The following UBASH3B variants were observed in gnomAD, a reference collection of about 807,000 sequenced individuals.
UBASH3B encodes the protein ubiquitin associated and SH3 domain containing B.
Under a neutral mutation model 83.4 loss-of-function variants are expected in UBASH3B, and 37 were observed. That is an observed-to-expected ratio of 0.44 (90% CI 0.34 to 0.58). The LOEUF is 0.58. Among genes scored for constraint, UBASH3B ranks in the 20% least tolerant of loss-of-function variants. The pLI, the probability that UBASH3B is intolerant of heterozygous loss-of-function variation, is 0.01. For missense variants in UBASH3B, 657 were observed against 827.2 expected, an observed-to-expected ratio of 0.79 and a Z score of 2.52; for synonymous variants, 304 against 318.3, an observed-to-expected ratio of 0.96 and a Z score of 0.48.
intron 1 of UBASH3B, among the ~76,000 whole-genome samples, chr11:122,699,321 G>A (rs1259837709): frequency 1.3e-5 from 2 of 152,152 alleles, no homozygotes; most frequent in Non-Finnish European, 2.9e-5. Flanking sequence ...ACAACTCAGA[G>A]GAGTGTGGCA....
Position 122,656,120 on chromosome 11 carries a change from C to T in UBASH3B, c.71C>T (p.Pro24Leu), listed in dbSNP as rs1203414278. 6.3e-7 allele frequency: 1 copy of T among 1,599,076 alleles called. No homozygotes were observed. Among genetic ancestry groups the T allele is most frequent in the South Asian group, 1.1e-5 (1 of 88,658 alleles). Residue 24 changes from proline (P) to leucine (L), a missense_variant, in exon 1 of 14, where the codon CCC (proline) becomes CTC (leucine). Transcript: ENST00000284273. ...GAGGAGCTGTACAGCAAAGTCACCC[C>T]CCGGAGGAACCGCCAACAGCGCCCC... ...AREELYSKVT[P>L]RRNRQQRPGT... is the part of the protein sequence containing the mutation.
At chr11:122,722,105 G>GACAA (rs1479946967) in intron 1 of UBASH3B, among the ~76,000 whole-genome samples, 1 of 152,136 alleles carries the variant, frequency 6.6e-6, no homozygotes, top group African/African-American at 2.4e-5. Context: ...TATTTTGTTT[G>GACAA]AAGCTCACAA....
intron 1 of UBASH3B, among the ~76,000 whole-genome samples, chr11:122,768,288 T>C (rs1349969662): frequency 6.6e-6 from 1 of 152,100 alleles, no homozygotes; most frequent in Non-Finnish European, 1.5e-5. Flanking sequence ...CCACGGCCAA[T>C]GACTCTCCTG....
intron 1 of UBASH3B, among the ~76,000 whole-genome samples, chr11:122,741,407 C>T (rs527399673): frequency 6.6e-6 from 1 of 152,290 alleles, no homozygotes; most frequent in Admixed American, 6.5e-5. Context: ...TGGCTGTTTA[C>T]CAATAAATGA....
At chr11:122,670,376 A>G in intron 1 of UBASH3B, among the ~76,000 whole-genome samples, 1 of 152,152 alleles carries the variant, frequency 6.6e-6, no homozygotes, top group East Asian at 1.9e-4. Context: ...GCCTCAAGAA[A>G]GGGCTCCTGG....
chr11:122,696,053 G>T (rs1029635036), intron 1 of UBASH3B, among the ~76,000 whole-genome samples: 4 of 152,066 alleles, frequency 2.6e-5, no homozygotes, highest in African/African-American at 7.2e-5. Flanking sequence ...AGGTTTAAGC[G>T]AATCTCCTGC....
At chr11:122,658,464 G>A (rs1214280176) in intron 1 of UBASH3B, among the ~76,000 whole-genome samples, 1 of 152,128 alleles carries the variant, frequency 6.6e-6, no homozygotes, top group Non-Finnish European at 1.5e-5. Context: ...TTTAACCCCT[G>A]AGGTCTCCTA....
intron 1 of UBASH3B, among the ~76,000 whole-genome samples, chr11:122,666,226 G>A (rs1048909238): frequency 2.6e-4 from 40 of 152,284 alleles, no homozygotes; most frequent in African/African-American, 8.2e-4. Context: ...TTGATGGTGC[G>A]CCTTTCAAAA....
intron 1 of UBASH3B, among the ~76,000 whole-genome samples, chr11:122,690,199 T>TCC (rs1374049597): frequency 0.012 from 341 of 28,456 alleles, 5 homozygotes; most frequent in African/African-American, 0.035. Context: ...TATATATATA[T>TCC]ATATATATAT....
rs144638226 is a variant in UBASH3B, at chr11:122,747,552, C to T, written c.162-28667C>T. Among the ~76,000 whole-genome samples the T allele has an allele frequency of 2.4e-4, 37 of 152,256 alleles. No homozygotes were observed. In the East Asian group the frequency reaches 7.1e-3, roughly 29 times the overall value. Reference sequence around the variant, plus strand: ...TAGAGAGTTATGAGACTTGACTGAGCCCCCGTTGGGACTGCTGTGAGAAAG... The same window carrying T: ...TAGAGAGTTATGAGACTTGACTGAGTCCCCGTTGGGACTGCTGTGAGAAAG... On this transcript the variant is annotated intron_variant, in intron 1 of 13. Coordinates refer to ENST00000284273, the MANE Select transcript of UBASH3B (RefSeq NM_032873.5).
Position 122,655,927 on chromosome 11 carries a change from TGCC to T in UBASH3B, c.-116_-114del. 1.8e-6 allele frequency: 2 copies of T among 1,102,358 alleles called. No homozygotes were observed. Among genetic ancestry groups the T allele is most frequent in the Non-Finnish European group, 1.2e-6 (1 of 826,994 alleles). 68.3% of individuals were successfully genotyped at this position (1,102,358 alleles called of 1,614,324 possible). ...GGGAAGCTCGGAGCGCCGCCTCCGCTGCCGCCGCCTCCTGCCTGGCTCTGGGTC... is the reference window on the plus strand; with the variant it reads ...GGGAAGCTCGGAGCGCCGCCTCCGCTGCCGCCTCCTGCCTGGCTCTGGGTC... On this transcript the variant is annotated 5_prime_UTR_variant, in exon 1 of 14. Transcript: ENST00000284273.
chr11:122,761,976 G>A (rs1169540451), intron 1 of UBASH3B, among the ~76,000 whole-genome samples: 1 of 151,846 alleles, frequency 6.6e-6, no homozygotes, highest in Admixed American at 6.6e-5. Context: ...ATTTTTATTA[G>A]AGATGGAGTT....
chr11:122,657,001 C>T (rs948562965), intron 1 of UBASH3B, among the ~76,000 whole-genome samples: 2 of 152,088 alleles, frequency 1.3e-5, no homozygotes, highest in African/African-American at 2.4e-5. Context: ...CATAGGGTGG[C>T]GGCGGCCGGA....
intron 11 of UBASH3B, among the ~76,000 whole-genome samples, chr11:122,804,387 C>A (rs1861303921): frequency 6.6e-6 from 1 of 152,106 alleles, no homozygotes; most frequent in Non-Finnish European, 1.5e-5. Context: ...GGGCAAGTTT[C>A]CTTCAAGTGG....
intron 1 of UBASH3B, among the ~76,000 whole-genome samples, chr11:122,672,553 T>C (rs1863611784): frequency 6.6e-6 from 1 of 152,170 alleles, no homozygotes; most frequent in African/African-American, 2.4e-5. Context: ...CTCGAATTCC[T>C]GACCTCAGGT....
At chr11:122,792,115 A>C (rs1861064665) in intron 6 of UBASH3B, among the ~76,000 whole-genome samples, 2 of 152,118 alleles carry the variant, frequency 1.3e-5, no homozygotes, top group African/African-American at 2.4e-5. Flanking sequence ...TTATAATGAC[A>C]GTTAAGAAGG....
intron 1 of UBASH3B, among the ~76,000 whole-genome samples, chr11:122,734,470 G>T (rs1408148352): frequency 6.6e-6 from 1 of 152,084 alleles, no homozygotes; most frequent in Admixed American, 6.6e-5. Flanking sequence ...CTAGTTGTTG[G>T]TGGCTTCCAG....
chr11:122,673,751 A>C (rs1387261906), intron 1 of UBASH3B, among the ~76,000 whole-genome samples: 1 of 152,202 alleles, frequency 6.6e-6, no homozygotes, highest in East Asian at 1.9e-4. Flanking sequence ...AAAGAGTCCA[A>C]TCCTATCTCC....
chr11:122,773,069 C>T (rs896510479), intron 1 of UBASH3B, among the ~76,000 whole-genome samples: 2 of 152,218 alleles, frequency 1.3e-5, no homozygotes, highest in Non-Finnish European at 2.9e-5. Flanking sequence ...TTTATCTTCT[C>T]GAGGTCTCAG....
Sources: allele counts gnomAD v4.1 joint callset (sites outside exome capture counted in the v4.1 genomes callset), GRCh38; gene constraint gnomAD v4.1.1; transcripts MANE v1.5; gene names NCBI Gene and HGNC (gene_info 2026-07-23, HGNC 2026-07-21).